Variants in SHPRH observed in about 807,000 individuals in gnomAD.
The protein encoded by SHPRH is SNF2 histone linker PHD RING helicase.
Under a neutral mutation model 202.5 loss-of-function variants are expected in SHPRH, and 106 were observed. That is an observed-to-expected ratio of 0.52 (90% CI 0.45 to 0.62). SHPRH has a LOEUF of 0.62. SHPRH is among the 20% of genes least tolerant of loss of function. The pLI, the probability that SHPRH is intolerant of heterozygous loss-of-function variation, is 0.00. For synonymous variants in SHPRH, 729 were observed against 686.0 expected (o/e 1.06, Z -0.98); for missense variants, 1,710 against 2,020.0 (o/e 0.85, Z 2.94).
At chr6:145,923,517 G>A in intron 18 of SHPRH, 126 bp downstream of exon 18, 1 of 1,143,378 alleles carries the variant, frequency 8.7e-7, no homozygotes, top group Admixed American at 2.7e-5. Context: ...AAGTATGAAT[G>A]TGTCTGTATA....
intron 28 of SHPRH, 139 bp from the exon 29 acceptor site, chr6:145,888,239 A>G (rs903037543): frequency 1.0e-5 from 6 of 573,044 alleles, no homozygotes; most frequent in South Asian, 4.7e-5. Flanking sequence ...TCAGCAGCGA[A>G]TAAAATGAAC....
rs1239378206 is a variant in SHPRH, at chr6:145,878,436, GTTTT to G, written c.221+9580_221+9583del. On this transcript the variant is annotated intron_variant, in intron 2 of 2. Transcript: ENST00000417762. ...GAAGGCTCACTGTCCTAAAAATCCC[GTTTT>G]GTTTATTCATTCCTTCCTCCTCTCC... 2.0e-5 allele frequency among the ~76,000 whole-genome samples: 3 copies of G among 152,076 alleles called. 1 individual carries two copies. The highest frequency in any genetic ancestry group is 1.3e-4 in the Admixed American group (2 of 15,250).
At chr6:145,952,856 A>T in intron 2 of SHPRH, among the ~76,000 whole-genome samples, 1 of 152,098 alleles carries the variant, frequency 6.6e-6, no homozygotes, top group Admixed American at 6.6e-5. Context: ...CATGCTAGGA[A>T]TCTTCTGCAC....
Position 145,947,565 on chromosome 6 carries a change from T to G in SHPRH, c.1140A>C (p.Thr380=). Residue 380 remains threonine (T), a synonymous_variant, in exon 6 of 30, where the codon ACA becomes ACC. Transcript: ENST00000275233. ...ILADEMGLGK[T]VEVLALILTH... is the part of the protein sequence containing the mutation. Reference sequence around the variant, plus strand: ...TCAGAATCAGAGCCAAAACCTCCACTGTCTTTCCAAGACCCATCTCATCTG... The same window carrying G: ...TCAGAATCAGAGCCAAAACCTCCACGGTCTTTCCAAGACCCATCTCATCTG... The G allele has an allele frequency of 6.2e-7, 1 of 1,613,006 alleles. No individual in the cohort carries two copies. Among genetic ancestry groups the G allele is most frequent in the East Asian group, 2.2e-5 (1 of 44,856 alleles).
chr6:145,915,175 ATAT>A (rs1467346981), intron 23 of SHPRH, among the ~76,000 whole-genome samples: 20 of 147,888 alleles, frequency 1.4e-4, no homozygotes, highest in African/African-American at 3.9e-4. Flanking sequence ...ATAAATATAA[ATAT>A]TATAATACAA....
chr6:145,868,939 G>A (rs1432257608), intron 2 of SHPRH, among the ~76,000 whole-genome samples: 1 of 152,080 alleles, frequency 6.6e-6, no homozygotes, highest in Non-Finnish European at 1.5e-5. Context: ...TTTATTTCAT[G>A]AGATATGAGT....
rs778213056 is a variant in SHPRH at position 145,922,801 on chromosome 6, G to T, written c.3581C>A (p.Thr1194Lys). ...TTTATTTAGCTCTTCCATTTGTGTT[G>T]TAAGTAAGAACTGAAGACCTCTGCA... ...RDCRGLQFLL[T>K]TQMEELNKCQ... is the part of the protein sequence containing the mutation. The change falls in exon 19 of 30, where the codon ACA (threonine) becomes AAA (lysine). Residue 1194 changes from threonine (T) to lysine (K), a missense_variant. Coordinates refer to ENST00000275233, the MANE Select transcript of SHPRH (RefSeq NM_001042683.3). 8 of 1,611,622 alleles carry T rather than the reference G, an allele frequency of 5.0e-6. No individual in the cohort carries two copies. Among genetic ancestry groups the T allele is most frequent in the Admixed American group, 1.7e-5 (1 of 59,744 alleles).
chr6:145,886,361 C>A lies in SHPRH; in HGVS notation c.*330G>T. On this transcript the variant is annotated 3_prime_UTR_variant, in exon 30 of 30. Transcript: ENST00000275233. The stretch of plus-strand genomic sequence containing the variant: ...ACTAGACTAGTTTACTTTCTTATTC[C>A]AACTGTTTTATGAGTGATCTTATCA... 1 of 632,716 alleles carries A rather than the reference C, an allele frequency of 1.6e-6. No homozygotes were observed. Among genetic ancestry groups the A allele is most frequent in the Non-Finnish European group, 2.9e-6 (1 of 348,838 alleles). 39.2% of individuals were successfully genotyped at this position (632,716 alleles called of 1,614,324 possible).
At chr6:145,893,135 C>T (rs1781712667) in intron 28 of SHPRH, 80 bp downstream of exon 28, 2 of 1,255,722 alleles carry the variant, frequency 1.6e-6, no homozygotes, top group South Asian at 2.9e-5. Flanking sequence ...CTATGATGAA[C>T]ATAAATGAAG....
chr6:145,924,735 A>T lies in SHPRH; in HGVS notation c.3402+4T>A. 1 of 1,610,728 alleles carries T rather than the reference A, an allele frequency of 6.2e-7. No homozygotes were observed. Among genetic ancestry groups the T allele is most frequent in the Non-Finnish European group, 8.5e-7 (1 of 1,177,788 alleles). Reference sequence around the variant, plus strand: ...CAAGTAAGAAACACTGCATTTTGGCATACCTTTCTTTGAAGCTCATGGATG... The same window carrying T: ...CAAGTAAGAAACACTGCATTTTGGCTTACCTTTCTTTGAAGCTCATGGATG... On this transcript the variant is annotated splice_donor_region_variant and intron_variant, in intron 17 of 29. Coordinates refer to ENST00000275233, the MANE Select transcript of SHPRH (RefSeq NM_001042683.3).
chr6:145,925,341 TACACACACACAC>T (rs10631165), intron 16 of SHPRH, among the ~76,000 whole-genome samples: 9 of 145,278 alleles, frequency 6.2e-5, no homozygotes, highest in Non-Finnish European at 1.1e-4. Context: ...ATGTTCTCAC[TACACACACACAC>T]ACACACACAC....
chr6:145,930,972 G>C (rs1460177599), intron 14 of SHPRH, among the ~76,000 whole-genome samples: 3 of 152,098 alleles, frequency 2.0e-5, no homozygotes, highest in Admixed American at 6.6e-5. Context: ...TCTTTGCTCT[G>C]AAATCTACTT....
intron 4 of SHPRH, among the ~76,000 whole-genome samples, chr6:145,948,677 T>C (rs1787654445): frequency 6.6e-6 from 1 of 152,106 alleles, no homozygotes. Context: ...TCCTACCTGA[T>C]GAATGAGTCT....
At chr6:145,914,087 T>C (rs1197169311) in intron 23 of SHPRH, among the ~76,000 whole-genome samples, 3 of 152,154 alleles carry the variant, frequency 2.0e-5, no homozygotes, top group Admixed American at 6.6e-5. Flanking sequence ...ATATAATAAA[T>C]CACCTACAAA....
At chr6:145,946,910 G>T (rs1180251983) in intron 6 of SHPRH, among the ~76,000 whole-genome samples, 2 of 151,656 alleles carry the variant, frequency 1.3e-5, no homozygotes, top group African/African-American at 4.8e-5. Flanking sequence ...TTAATGTAAG[G>T]GCTGATTTCA....
intron 2 of SHPRH, among the ~76,000 whole-genome samples, chr6:145,873,693 G>GAGGAAGGAAGGA (rs540366997): frequency 9.4e-6 from 1 of 106,308 alleles, no homozygotes; most frequent in Non-Finnish European, 1.9e-5. Flanking sequence ...ACAGTTGCTA[G>GAGGAAGGAAGGA]AGGAAGGAAG....
In SHPRH at chr6:145,914,291, A is replaced by C. The variant is rs150197062; in HGVS notation, c.4255-742T>G. Among the ~76,000 whole-genome samples the C allele has an allele frequency of 8.5e-5, 13 of 152,254 alleles. No homozygotes were observed. In the East Asian group the frequency reaches 2.5e-3, roughly 29 times the overall value. ...TCAAGAAAGTAAACTAGGCTTTTTG[A>C]GATAGTCTCATGGAGTTCCAAAGAG... On this transcript the variant is annotated intron_variant, in intron 23 of 29. Coordinates refer to ENST00000275233, the MANE Select transcript of SHPRH (RefSeq NM_001042683.3).
chr6:145,933,144 G>C lies in SHPRH; in HGVS notation c.3025C>G (p.Gln1009Glu). The change falls in exon 14 of 30, where the codon CAG becomes GAG. Residue 1009 changes from glutamine (Q) to glutamate (E), a missense_variant. Gln to Glu is a conservative substitution (Grantham distance 29). Around this residue, in one of 8 missense-constraint regions of SHPRH, gnomAD observed 23 missense variants for 36.7 expected, o/e 0.63. Transcript: ENST00000275233. ...MTMEELLTSL[Q>E]KKCGTECEEA... ...TCACATTCAGTTCCACATTTCTTCTGCAAAGATGTCAGCAGCTCTTCCATT... is the reference window on the plus strand; with the variant it reads ...TCACATTCAGTTCCACATTTCTTCTCCAAAGATGTCAGCAGCTCTTCCATT... The C allele has an allele frequency of 6.2e-7, 1 of 1,613,888 alleles. No homozygotes were observed. The highest frequency in any genetic ancestry group is 8.5e-7 in the Non-Finnish European group (1 of 1,179,920).
intron 3 of SHPRH, 104 bp from the exon 4 acceptor site, chr6:145,950,586 C>T (rs1318830972): frequency 1.0e-6 from 1 of 998,602 alleles, no homozygotes; most frequent in African/African-American, 1.6e-5. Context: ...ACTCTGGGGC[C>T]TTGCTCAGTG....
Sources: allele counts gnomAD v4.1 joint callset (sites outside exome capture counted in the v4.1 genomes callset), GRCh38; gene constraint gnomAD v4.1.1; regional missense constraint gnomAD v4.1.1; transcripts MANE v1.5; gene names NCBI Gene and HGNC (gene_info 2026-07-23, HGNC 2026-07-21).